NKAIN1: variants seen among roughly 807,000 people sequenced by gnomAD.
NKAIN1 encodes the protein sodium/potassium-transporting ATPase subunit beta-1-interacting protein 1.
In NKAIN1, 13 loss-of-function variants were observed where a neutral mutation model predicts 31.6. The ratio of observed to expected loss-of-function variants is 0.41; its 90% CI spans 0.27 to 0.65. The LOEUF (loss-of-function observed/expected upper bound fraction) is 0.65, where lower values mean the gene tolerates loss of function less well. Ranked by LOEUF, NKAIN1 falls within the 30% of genes least tolerant of loss-of-function variation. NKAIN1 has a pLI of 0.30. For synonymous variants in NKAIN1, 104 were observed against 109.0 expected (o/e 0.95, Z 0.28); for missense variants, 193 against 262.2 (o/e 0.74, Z 1.82).
chr1:31,185,364 G>A, intron 2 of NKAIN1, 37 bp from the exon 3 acceptor site: 1 of 1,534,142 alleles, frequency 6.5e-7, no homozygotes, highest in Non-Finnish European at 8.9e-7. Context: ...GTGGGGCCTG[G>A]GGAGTGGGGG....
chr1:31,230,795 C>T (rs1645641541), intron 1 of NKAIN1, among the ~76,000 whole-genome samples: 2 of 151,970 alleles, frequency 1.3e-5, no homozygotes, highest in South Asian at 4.2e-4. Flanking sequence ...TATAGGCATC[C>T]ACTGTGCAAT....
intron 3 of NKAIN1, 31 bp from the exon 4 acceptor site, chr1:31,184,045 G>T: frequency 6.3e-7 from 1 of 1,593,272 alleles, no homozygotes; most frequent in African/African-American, 1.3e-5. Context: ...GATACTGAGT[G>T]TGAGGGAGAG....
chr1:31,226,772 C>T (rs1201939941), intron 1 of NKAIN1, among the ~76,000 whole-genome samples: 2 of 151,852 alleles, frequency 1.3e-5, no homozygotes, highest in African/African-American at 4.8e-5. Flanking sequence ...AATCTGCCCG[C>T]CTCCGTCTCC....
intron 1 of NKAIN1, among the ~76,000 whole-genome samples, chr1:31,194,644 T>C (rs1645309899): frequency 6.6e-6 from 1 of 151,844 alleles, no homozygotes; most frequent in African/African-American, 2.4e-5. Flanking sequence ...CGACCTCAGG[T>C]GATTTGCCTG....
At position 31,188,328 on chromosome 1, in the gene NKAIN1, C is replaced by CA. The variant is rs1331753963; in HGVS notation, c.55-142dup. ...TCAGAACAATCCAGTCCTTCACTAC[C>CA]AAAGGGATGCTGGGGGGTCCTTAAG... On this transcript the variant is annotated intron_variant, in intron 1 of 6. Coordinates refer to ENST00000373736, the MANE Select transcript of NKAIN1 (RefSeq NM_024522.3). The CA allele has an allele frequency of 5.7e-6, 5 of 878,132 alleles. No homozygotes were observed. The African/African-American group carries it at 8.5e-5, about 15-fold the overall frequency. 54.4% of individuals were successfully genotyped at this position (878,132 alleles called of 1,614,324 possible).
intron 3 of NKAIN1, among the ~76,000 whole-genome samples, chr1:31,184,756 G>C (rs1430979153): frequency 6.6e-6 from 1 of 152,156 alleles, no homozygotes; most frequent in Non-Finnish European, 1.5e-5. Flanking sequence ...CTCTGGGCTT[G>C]CTCTTATTCA....
At chr1:31,189,300 A>G (rs1028688235) in intron 1 of NKAIN1, among the ~76,000 whole-genome samples, 1 of 151,714 alleles carries the variant, frequency 6.6e-6, no homozygotes, top group African/African-American at 2.4e-5. Flanking sequence ...ATGGTCGTTT[A>G]TTTTTTATTT....
intron 1 of NKAIN1, among the ~76,000 whole-genome samples, chr1:31,216,692 T>TTATCTATTTATC (rs552756649): frequency 0.038 from 5,552 of 144,552 alleles, 196 homozygotes; most frequent in South Asian, 0.12. Flanking sequence ...GCATTGACTT[T>TTATCTATTTATC]TATTTATTTA....
At chr1:31,207,833 T>C (rs972511200) in intron 1 of NKAIN1, among the ~76,000 whole-genome samples, 13 of 139,960 alleles carry the variant, frequency 9.3e-5, no homozygotes, top group Admixed American at 7.5e-4. Flanking sequence ...GTCCATATCA[T>C]GTACTCCTCT....
chr1:31,211,111 C>T (rs544708327), intron 1 of NKAIN1, among the ~76,000 whole-genome samples: 9 of 152,210 alleles, frequency 5.9e-5, no homozygotes, highest in South Asian at 2.1e-4. Context: ...CAGGGATGTC[C>T]GCTCTCATCA....
intron 1 of NKAIN1, among the ~76,000 whole-genome samples, chr1:31,203,416 C>A (rs1359991500): frequency 6.8e-6 from 1 of 147,752 alleles, no homozygotes; most frequent in Admixed American, 6.8e-5. Context: ...CAAGCTACCA[C>A]GTTTGAAACG....
At chr1:31,205,476 T>C (rs773809490) in intron 1 of NKAIN1, among the ~76,000 whole-genome samples, 5 of 152,028 alleles carry the variant, frequency 3.3e-5, no homozygotes, top group Non-Finnish European at 5.9e-5. Flanking sequence ...GCCCAGATAA[T>C]TTTTGTATTT....
chr1:31,223,784 A>G (rs1645581969), intron 1 of NKAIN1, among the ~76,000 whole-genome samples: 1 of 152,238 alleles, frequency 6.6e-6, no homozygotes, highest in South Asian at 2.1e-4. Flanking sequence ...TCACCTGGCA[A>G]TGAATGGAAC....
intron 3 of NKAIN1, among the ~76,000 whole-genome samples, chr1:31,184,826 C>G (rs544595664): frequency 5.3e-5 from 8 of 152,340 alleles, no homozygotes; most frequent in African/African-American, 1.7e-4. Context: ...TCTAACTAGT[C>G]TCTTTCCCTT....
intron 2 of NKAIN1, 87 bp downstream of exon 2, chr1:31,187,963 C>A: frequency 7.2e-7 from 1 of 1,384,422 alleles, no homozygotes; most frequent in Admixed American, 2.4e-5. Flanking sequence ...TGTTGGGGGG[C>A]AGTTCTGGTT....
chr1:31,224,087 G>A lies in NKAIN1; in HGVS notation c.54+15407C>T, dbSNP rs758649520. On this transcript the variant is annotated intron_variant, in intron 1 of 6. Transcript: ENST00000373736. ...GGGATGAGGCATCTCCCTGTAAAGC[G>A]GTTTCCAGTGTCCAGGACTCTGGGG... Among the ~76,000 whole-genome samples, 11 of 152,136 alleles carry A rather than the reference G, an allele frequency of 7.2e-5. No homozygotes were observed. In the East Asian group the frequency reaches 1.2e-3, roughly 16 times the overall value.
At chr1:31,208,632 G>T (rs1217340004) in intron 1 of NKAIN1, among the ~76,000 whole-genome samples, 11 of 78,718 alleles carry the variant, frequency 1.4e-4, no homozygotes, top group African/African-American at 3.4e-4. Flanking sequence ...CACATAGTGG[G>T]GGGAGGGGGC....
At chr1:31,219,904 A>G (rs1490307343) in intron 1 of NKAIN1, among the ~76,000 whole-genome samples, 2 of 152,112 alleles carry the variant, frequency 1.3e-5, no homozygotes, top group African/African-American at 4.8e-5. Context: ...GAAGGAGCAA[A>G]TGAGTGCAGT....
chr1:31,210,678 C>T (rs1645461839), intron 1 of NKAIN1, among the ~76,000 whole-genome samples: 1 of 152,200 alleles, frequency 6.6e-6, no homozygotes, highest in African/African-American at 2.4e-5. Flanking sequence ...GTTTCCTCAT[C>T]TGAAATGGAG....
Sources: gnomAD v4.1 joint callset for allele counts (sites outside exome capture counted in the v4.1 genomes callset) on GRCh38, gnomAD v4.1.1 for gene constraint, MANE v1.5 for transcripts, NCBI Gene and HGNC (gene_info 2026-07-23, HGNC 2026-07-21) for gene names.